PRPF6: variants seen among roughly 807,000 people sequenced by gnomAD.
PRPF6 encodes the protein pre-mRNA processing factor 6.
In PRPF6, 42 loss-of-function variants were observed where a neutral mutation model predicts 118.3. The observed-to-expected ratio is 0.35, with a 90% CI of 0.28 to 0.46. The LOEUF (loss-of-function observed/expected upper bound fraction) is 0.46, where lower values mean the gene tolerates loss of function less well. Ranked by LOEUF, PRPF6 falls within the 20% of genes least tolerant of loss-of-function variation. PRPF6 has a pLI of 1.00. For missense variants in PRPF6, 662 were observed against 1,255.7 expected (o/e 0.53, Z 7.15); for synonymous variants, 481 against 485.1 (o/e 0.99, Z 0.11).
intron 5 of PRPF6, 105 bp from the exon 6 acceptor site, chr20:63,995,222 C>G: frequency 6.4e-7 from 1 of 1,572,228 alleles, no homozygotes; most frequent in Non-Finnish European, 8.7e-7. Flanking sequence ...GTCTGCACAG[C>G]TGTGCATATG....
chr20:63,988,994 A>G (rs923283333), intron 3 of PRPF6, among the ~76,000 whole-genome samples: 2 of 152,238 alleles, frequency 1.3e-5, no homozygotes, highest in Non-Finnish European at 2.9e-5. Context: ...TTCAAATTAT[A>G]CTACAGAGCT....
At position 64,026,934 on chromosome 20, in the gene PRPF6, G is replaced by A. The variant is rs199623005; in HGVS notation, c.2029-48G>A. 1.9e-6 allele frequency: 3 copies of A among 1,607,530 alleles called. No homozygotes were observed. The highest frequency in any genetic ancestry group is 1.3e-5 in the African/African-American group (1 of 74,802). ...TGAGGATGAGTGTACCATGAAGCAC[G>A]TACCCTGGAGCTGATGCCCTGCGTG... On this transcript the variant is annotated intron_variant, in intron 15 of 20. Transcript: ENST00000266079. This position sits in a 1 kb window ranked among gnomAD's most constrained non-coding sequence, Gnocchi z 4.4.
At position 64,026,887 on chromosome 20, in the gene PRPF6, A is replaced by G. The variant is rs2059293719; in HGVS notation, c.2029-95A>G. 2 of 1,281,176 alleles carry G rather than the reference A, an allele frequency of 1.6e-6. No homozygotes were observed. The highest frequency in any genetic ancestry group is 1.1e-6 in the Non-Finnish European group (1 of 880,824). 79.4% of individuals were successfully genotyped at this position (1,281,176 alleles called of 1,614,324 possible). A position where few individuals can be genotyped will look rare whatever the true frequency, so the allele number is the denominator to read the frequency against. On this transcript the variant is annotated intron_variant, in intron 15 of 20. Coordinates refer to ENST00000266079, the MANE Select transcript of PRPF6 (RefSeq NM_012469.4). This position sits in a 1 kb window ranked among gnomAD's most constrained non-coding sequence, Gnocchi z 4.4. ...CTATGAAAAGCTTACAAAAGTACAC[A>G]CAGTACTGCAGGTAACAGTGTTGAG... is the stretch of plus-strand genomic sequence containing the variant.
chr20:63,986,957 T>C, intron 3 of PRPF6, among the ~76,000 whole-genome samples: 1 of 150,884 alleles, frequency 6.6e-6, no homozygotes, highest in Non-Finnish European at 1.5e-5. Flanking sequence ...CTGCTTGATC[T>C]CAGGAGTTTG....
rs148442833 is a variant in PRPF6, at chr20:63,984,325, G to A, written c.241-582G>A. Among the ~76,000 whole-genome samples the A allele has an allele frequency of 4.3e-3, 661 of 152,106 alleles. 6 individuals carry two copies. The highest frequency in any genetic ancestry group is 0.015 in the African/African-American group (633 of 41,474). The stretch of plus-strand genomic sequence containing the variant: ...AGTCCCAGCTACTCGGGAGGCTGAG[G>A]CAGAAGAATGCTGTGAACCCGGGAG... On this transcript the variant is annotated intron_variant, in intron 2 of 20. Coordinates refer to ENST00000266079, the MANE Select transcript of PRPF6 (RefSeq NM_012469.4).
intron 9 of PRPF6, among the ~76,000 whole-genome samples, chr20:64,005,189 G>C (rs1445822137): frequency 6.6e-6 from 1 of 152,178 alleles, no homozygotes; most frequent in African/African-American, 2.4e-5. Context: ...AGGTGACCTT[G>C]TTGGTTTTAG....
In PRPF6 at chr20:64,029,866, C is replaced by T. The variant is rs576187576; in HGVS notation, c.2546+375C>T. On this transcript the variant is annotated intron_variant, in intron 19 of 20. Transcript: ENST00000266079. The surrounding 1 kb of genome is among the most constrained non-coding windows in gnomAD (Gnocchi z 4.8). Reference sequence around the variant, plus strand: ...CCGGGTCAGAGACTCACTGGGGACGCATGTGATTCACACTGGTGCGCTGGC... The same window carrying T: ...CCGGGTCAGAGACTCACTGGGGACGTATGTGATTCACACTGGTGCGCTGGC... Among the ~76,000 whole-genome samples the T allele has an allele frequency of 2.6e-5, 4 of 151,612 alleles. No homozygotes were observed. The highest frequency in any genetic ancestry group is 5.9e-5 in the Non-Finnish European group (4 of 67,920).
intron 10 of PRPF6, among the ~76,000 whole-genome samples, chr20:64,010,770 G>A (rs956758114): frequency 6.6e-6 from 1 of 152,186 alleles, no homozygotes; most frequent in African/African-American, 2.4e-5. Flanking sequence ...GTGATTTTTA[G>A]TCTTGGTTTT....
intron 10 of PRPF6, 144 bp downstream of exon 10, chr20:64,010,462 C>T: frequency 1.3e-6 from 1 of 748,352 alleles, no homozygotes; most frequent in Non-Finnish European, 2.3e-6. Context: ...TGTGGAACCC[C>T]AGGATGCCGT....
intron 3 of PRPF6, among the ~76,000 whole-genome samples, chr20:63,991,297 G>A (rs527326225): frequency 2.3e-4 from 35 of 151,816 alleles, no homozygotes; most frequent in African/African-American, 8.2e-4. Context: ...GCACATGCCC[G>A]TAGTTCCAGC....
chr20:64,031,721 C>T (rs944936016), intron 19 of PRPF6, among the ~76,000 whole-genome samples, 197 bp from the exon 20 acceptor site: 16 of 152,018 alleles, frequency 1.1e-4, no homozygotes, highest in African/African-American at 3.1e-4. Context: ...TGGTTAGACC[C>T]GTGAAGGGCA....
chr20:64,019,592 T>C (rs917718582), intron 12 of PRPF6, among the ~76,000 whole-genome samples: 69 of 152,158 alleles, frequency 4.5e-4, no homozygotes, highest in African/African-American at 1.6e-3. Context: ...TCGGGTTGCT[T>C]GTGAAGGTCC....
rs2059136785 is a variant in PRPF6 at position 63,995,370 on chromosome 20, C to G, written c.659C>G (p.Thr220Ser). 1.2e-6 allele frequency: 2 copies of G among 1,613,908 alleles called. No homozygotes were observed. The highest frequency in any genetic ancestry group is 1.7e-5 in the Admixed American group (1 of 59,942). The change falls in exon 6 of 21, where the codon ACT (threonine) becomes AGT (serine). Residue 220 changes from threonine to serine, a missense_variant. Physicochemically the swap from Thr to Ser is moderately conservative, Grantham distance 58. Transcript: ENST00000266079. Reference sequence around the variant, plus strand: ...ACACCCTATCCAGGTGGACTAAACACTCCATACCCAGGTGGAATGACGCCA... The same window carrying G: ...ACACCCTATCCAGGTGGACTAAACAGTCCATACCCAGGTGGAATGACGCCA... ...LNTPYPGGLN[T>S]PYPGGMTPGL...
At chr20:64,016,603 G>A (rs78905669) in intron 11 of PRPF6, 120 bp from the exon 12 acceptor site, 456 of 1,300,258 alleles carry the variant, frequency 3.5e-4, no homozygotes, top group Middle Eastern at 9.9e-4. Flanking sequence ...CCAGTAGGCA[G>A]TGTCAGCATC....
chr20:63,995,448 C>T lies in PRPF6; in HGVS notation c.737C>T (p.Ala246Val). Residue 246 changes from alanine (A) to valine (V), a missense_variant, in exon 6 of 21, where the codon GCG becomes GTG. Physicochemically the swap from Ala to Val is moderately conservative, Grantham distance 64. Coordinates refer to ENST00000266079, the MANE Select transcript of PRPF6 (RefSeq NM_012469.4). ...GELDMRKIGQARNTLMDMRLS... is the reference protein window; with the variant it reads ...GELDMRKIGQVRNTLMDMRLS... ...CTGGACATGAGGAAGATTGGCCAAG[C>T]GAGGAACACTCTGATGGACATGAGG... 1.2e-6 allele frequency: 2 copies of T among 1,614,058 alleles called. No homozygotes were observed. The highest frequency in any genetic ancestry group is 1.7e-6 in the Non-Finnish European group (2 of 1,180,008).
At chr20:64,016,928 A>ATTTTAAAACTCTTTTTTTTTTT in intron 12 of PRPF6, 83 bp downstream of exon 12, 2 of 1,528,320 alleles carry the variant, frequency 1.3e-6, no homozygotes, top group Non-Finnish European at 1.8e-6. Flanking sequence ...CTACTAGGCT[A>ATTTTAAAACTCTTTTTTTTTTT]TTTTAAAACT....
At chr20:63,987,193 G>A (rs1444196779) in intron 3 of PRPF6, among the ~76,000 whole-genome samples, 10 of 149,594 alleles carry the variant, frequency 6.7e-5, no homozygotes, top group South Asian at 4.2e-4. Context: ...AAAAAAAGGG[G>A]GGGGGAGCAT....
At chr20:64,003,746 C>T (rs2059178002) in intron 9 of PRPF6, among the ~76,000 whole-genome samples, 1 of 152,210 alleles carries the variant, frequency 6.6e-6, no homozygotes, top group Non-Finnish European at 1.5e-5. Flanking sequence ...CAGGCGCCCG[C>T]CACCAGGCCT....
In PRPF6 at chr20:64,011,200, A is replaced by G. The variant is rs771533328; in HGVS notation, c.1306-85A>G. The G allele has an allele frequency of 3.1e-6, 4 of 1,280,876 alleles. No individual in the cohort carries two copies. Among genetic ancestry groups the G allele is most frequent in the South Asian group, 1.2e-5 (1 of 81,168 alleles). 79.3% of individuals were successfully genotyped at this position (1,280,876 alleles called of 1,614,324 possible). A position where few individuals can be genotyped will look rare whatever the true frequency, so the allele number is the denominator to read the frequency against. ...GAGCTAAGAAAGAACGTGGTGGCCAACGCTGGAGGGTGGGTCGCTGTCTGG... is the reference window on the plus strand; with the variant it reads ...GAGCTAAGAAAGAACGTGGTGGCCAGCGCTGGAGGGTGGGTCGCTGTCTGG... On this transcript the variant is annotated intron_variant, in intron 10 of 20. Coordinates refer to ENST00000266079, the MANE Select transcript of PRPF6 (RefSeq NM_012469.4). The surrounding 1 kb of genome is among the most constrained non-coding windows in gnomAD (Gnocchi z 6.7).
Sources: gnomAD v4.1 joint callset for allele counts (sites outside exome capture counted in the v4.1 genomes callset) on GRCh38, gnomAD v4.1.1 for gene constraint, Gnocchi (gnomAD v3.1) non-coding constraint, MANE v1.5 for transcripts, NCBI Gene and HGNC (gene_info 2026-07-23, HGNC 2026-07-21) for gene names.